The following RARB variants were observed in gnomAD, a reference collection of about 807,000 sequenced individuals.
RARB encodes HBV-activated protein.
RARB carries 17 observed loss-of-function variants against 51.9 expected under a neutral mutation model. That is an observed-to-expected ratio of 0.33 (90% CI 0.22 to 0.49). The LOEUF is 0.49. Ranked by LOEUF, RARB falls within the 20% of genes least tolerant of loss-of-function variation. The pLI, the probability that RARB is intolerant of heterozygous loss-of-function variation, is 0.99. For missense variants in RARB, 369 were observed against 550.8 expected (o/e 0.67, Z 3.30); for synonymous variants, 215 against 195.4 (o/e 1.10, Z -0.84).
chr3:25,537,424 G>A lies in RARB; in HGVS notation c.449-32334G>A, dbSNP rs555661529. 1.2e-4 allele frequency among the ~76,000 whole-genome samples: 19 copies of A among 152,274 alleles called. No individual in the cohort carries two copies. In the South Asian group the frequency reaches 2.1e-3, roughly 17 times the overall value. ...CCCGAATGTGCTGCACTCTGTTTGC[G>A]TGCACACACAAACGTCACTTATTGA... On this transcript the variant is annotated intron_variant, in intron 3 of 7. Transcript: ENST00000330688.
intron 5 of RARB, among the ~76,000 whole-genome samples, chr3:25,333,209 G>A (rs533832680): frequency 1.1e-4 from 16 of 152,018 alleles, no homozygotes; most frequent in South Asian, 4.2e-4. Flanking sequence ...AAAAGAGCCC[G>A]CATTGCCAAG....
At chr3:24,979,989 C>G (rs746406291) in intron 2 of RARB, among the ~76,000 whole-genome samples, 10 of 152,126 alleles carry the variant, frequency 6.6e-5, no homozygotes, top group Non-Finnish European at 1.0e-4. Context: ...TTCAGCATTT[C>G]CTTGTCTGTA....
intron 2 of RARB, chr3:25,020,092 T>C (rs1358611031): frequency 6.7e-6 from 1 of 150,174 alleles, no homozygotes; most frequent in African/African-American, 2.4e-5. Flanking sequence ...TACAGATGTA[T>C]ACTCAAGTTC....
chr3:25,337,877 T>G (rs147371972), intron 5 of RARB, among the ~76,000 whole-genome samples: 1 of 152,182 alleles, frequency 6.6e-6, no homozygotes, highest in Non-Finnish European at 1.5e-5. Flanking sequence ...TTAGAGTGGA[T>G]ACTCAATAAA....
At chr3:25,182,703 G>A (rs1700886076) in intron 5 of RARB, among the ~76,000 whole-genome samples, 1 of 152,066 alleles carries the variant, frequency 6.6e-6, no homozygotes, top group African/African-American at 2.4e-5. Flanking sequence ...CATTATATTA[G>A]TATTTACCAG....
intron 4 of RARB, among the ~76,000 whole-genome samples, chr3:25,163,740 G>A (rs1207167563): frequency 1.3e-5 from 2 of 151,880 alleles, no homozygotes; most frequent in African/African-American, 4.8e-5. Context: ...GCCACTAGAC[G>A]CTGGGGAGAC....
chr3:25,486,654 C>T (rs531761537), intron 2 of RARB, among the ~76,000 whole-genome samples: 1 of 152,286 alleles, frequency 6.6e-6, no homozygotes, highest in Non-Finnish European at 1.5e-5. Context: ...CCATCATCTG[C>T]CACTTCACCC....
chr3:25,388,200 T>C (rs1160718464), intron 5 of RARB, among the ~76,000 whole-genome samples: 1 of 152,214 alleles, frequency 6.6e-6, no homozygotes, highest in African/African-American at 2.4e-5. Flanking sequence ...TTCCTAATTA[T>C]TACATACAGC....
chr3:25,512,436 A>G (rs1033507855), intron 3 of RARB, among the ~76,000 whole-genome samples: 2 of 152,210 alleles, frequency 1.3e-5, no homozygotes, highest in Non-Finnish European at 2.9e-5. Flanking sequence ...CATCGCTTAC[A>G]CAATCAACTC....
intron 2 of RARB, among the ~76,000 whole-genome samples, chr3:25,034,637 TC>T (rs560005075): frequency 2.2e-4 from 34 of 152,330 alleles, no homozygotes; most frequent in Admixed American, 1.8e-3. Context: ...TCTGCCATCT[TC>T]TATGCCAGAT....
At chr3:25,356,882 T>C (rs1473525838) in intron 5 of RARB, among the ~76,000 whole-genome samples, 2 of 152,210 alleles carry the variant, frequency 1.3e-5, no homozygotes, top group Non-Finnish European at 2.9e-5. Context: ...CCATGGTGTA[T>C]ATGTGCCACA....
intron 5 of RARB, among the ~76,000 whole-genome samples, chr3:25,229,426 C>T (rs573776146): frequency 2.8e-4 from 43 of 152,160 alleles, no homozygotes; most frequent in South Asian, 1.5e-3. Flanking sequence ...CTCAAATTGA[C>T]GGTAGGCAGT....
chr3:25,294,339 G>A (rs12490528), intron 5 of RARB, among the ~76,000 whole-genome samples: 6 of 152,152 alleles, frequency 3.9e-5, no homozygotes, highest in Non-Finnish European at 7.3e-5. Flanking sequence ...AGTACTTACC[G>A]CATGGCCTTA....
intron 1 of RARB, among the ~76,000 whole-genome samples, chr3:24,839,715 AAAAAGGG>A: frequency 4.1e-5 from 1 of 24,674 alleles, no homozygotes; most frequent in Non-Finnish European, 1.1e-4. Flanking sequence ...AAAAAAAAAA[AAAAAGGG>A]GGGGGGGGTG....
chr3:25,357,890 A>G (rs533269898), intron 5 of RARB, among the ~76,000 whole-genome samples: 8 of 152,344 alleles, frequency 5.3e-5, no homozygotes, highest in African/African-American at 1.7e-4. Context: ...TACCAGTACC[A>G]TGCTGTTTCA....
intron 4 of RARB, among the ~76,000 whole-genome samples, chr3:25,139,481 A>G (rs1193199826): frequency 6.6e-6 from 1 of 152,178 alleles, no homozygotes; most frequent in East Asian, 1.9e-4. Flanking sequence ...CCTAATCCAG[A>G]GCAAAGTCCT....
chr3:25,080,669 T>A (rs1440396075), intron 3 of RARB, among the ~76,000 whole-genome samples: 3 of 152,248 alleles, frequency 2.0e-5, no homozygotes, highest in Non-Finnish European at 4.4e-5. Context: ...TGACTAATGA[T>A]GTTGAGCATT....
At chr3:25,267,307 C>T (rs1190947712) in intron 5 of RARB, among the ~76,000 whole-genome samples, 1 of 152,192 alleles carries the variant, frequency 6.6e-6, no homozygotes, top group African/African-American at 2.4e-5. Flanking sequence ...GGTGGGAACA[C>T]AGCAGACAAT....
intron 2 of RARB, among the ~76,000 whole-genome samples, chr3:25,041,180 A>T (rs1698106790): frequency 6.6e-6 from 1 of 152,154 alleles, no homozygotes; most frequent in Non-Finnish European, 1.5e-5. Context: ...TTAACCTGAG[A>T]TTATGTTCTG....
Sources: gnomAD v4.1 joint callset for allele counts (sites outside exome capture counted in the v4.1 genomes callset) on GRCh38, gnomAD v4.1.1 for gene constraint, MANE v1.5 for transcripts, NCBI Gene and HGNC (gene_info 2026-07-23, HGNC 2026-07-21) for gene names.